Variants in ELAPOR1 observed in about 807,000 individuals in gnomAD.
The protein encoded by ELAPOR1 is endosome-lysosome associated apoptosis and autophagy regulator 1, also known as endosome/lysosome-associated apoptosis and autophagy regulator 1.
A neutral mutation model predicts 119.7 loss-of-function variants in ELAPOR1; 77 were observed. The ratio of observed to expected loss-of-function variants is 0.64; its 90% CI spans 0.54 to 0.78. The LOEUF (loss-of-function observed/expected upper bound fraction) is 0.78, where lower values mean the gene tolerates loss of function less well. ELAPOR1 is among the 30% of genes least tolerant of loss of function. The pLI, the probability that ELAPOR1 is intolerant of heterozygous loss-of-function variation, is 0.00. For missense variants in ELAPOR1, 1,115 were observed against 1,270.4 expected (o/e 0.88, Z 1.86); for synonymous variants, 481 against 487.2 (o/e 0.99, Z 0.17).
At chr1:109,136,481 A>G (rs2100989699) in intron 1 of ELAPOR1, among the ~76,000 whole-genome samples, 1 of 152,238 alleles carries the variant, frequency 6.6e-6, no homozygotes, top group African/African-American at 2.4e-5. Context: ...GGCATCCAGA[A>G]CTGTGCGACA....
At chr1:109,149,505 A>G (rs1000789602) in intron 1 of ELAPOR1, among the ~76,000 whole-genome samples, 1 of 152,068 alleles carries the variant, frequency 6.6e-6, no homozygotes, top group East Asian at 1.9e-4. Flanking sequence ...GGCAGGATAA[A>G]AGCAGGGTCT....
chr1:109,183,261 T>C (rs993736399), intron 7 of ELAPOR1, among the ~76,000 whole-genome samples: 4 of 130,982 alleles, frequency 3.1e-5, no homozygotes, highest in Non-Finnish European at 4.7e-5. Context: ...GTGGCTGAGG[T>C]GGGAGGATTG....
At chr1:109,197,141 A>G (rs945946934) in intron 15 of ELAPOR1, among the ~76,000 whole-genome samples, 2 of 44,214 alleles carry the variant, frequency 4.5e-5, no homozygotes, top group Admixed American at 3.0e-4. Flanking sequence ...ATCTTTACGA[A>G]AAAAAAAAAA....
chr1:109,128,392 A>T (rs1366802449), intron 1 of ELAPOR1, among the ~76,000 whole-genome samples: 2 of 152,180 alleles, frequency 1.3e-5, no homozygotes, highest in Non-Finnish European at 2.9e-5. Context: ...GGAAAACTGA[A>T]ATTGGCTAAT....
intron 15 of ELAPOR1, among the ~76,000 whole-genome samples, chr1:109,195,533 C>CA (rs943044042): frequency 6.6e-5 from 10 of 151,330 alleles, no homozygotes; most frequent in East Asian, 3.9e-4. Flanking sequence ...ACAAAACAAA[C>CA]AAAAAAAACC....
chr1:109,173,401 A>G (rs930450689), intron 5 of ELAPOR1, 73 bp from the exon 6 acceptor site: 1 of 1,259,068 alleles, frequency 7.9e-7, no homozygotes, highest in African/African-American at 1.5e-5. Flanking sequence ...AGTCATCCCA[A>G]CAAGAGGCTA....
At chr1:109,197,899 G>T in intron 16 of ELAPOR1, 80 bp from the exon 17 acceptor site, 1 of 1,250,318 alleles carries the variant, frequency 8.0e-7, no homozygotes, top group Non-Finnish European at 1.2e-6. Context: ...GAGGTTGGAT[G>T]TTGACAGGTA....
At chr1:109,191,267 A>C in intron 11 of ELAPOR1, 99 bp from the exon 12 acceptor site, 1 of 783,242 alleles carries the variant, frequency 1.3e-6, no homozygotes, top group Admixed American at 2.3e-5. Flanking sequence ...CATACTCAGA[A>C]CTTAACCCTG....
chr1:109,184,196 ACT>A (rs1652914929), intron 7 of ELAPOR1, among the ~76,000 whole-genome samples: 1 of 152,070 alleles, frequency 6.6e-6, no homozygotes, highest in Non-Finnish European at 1.5e-5. Context: ...ACATGGAGAA[ACT>A]CCGTCTCTAC....
chr1:109,198,224 C>T, intron 17 of ELAPOR1, 149 bp downstream of exon 17: 1 of 667,486 alleles, frequency 1.5e-6, no homozygotes, highest in Non-Finnish European at 2.6e-6. Context: ...TAGCTAAGGG[C>T]TGGGAGTTCC....
At chr1:109,159,205 C>G (rs540786694) in intron 1 of ELAPOR1, among the ~76,000 whole-genome samples, 1 of 152,194 alleles carries the variant, frequency 6.6e-6, no homozygotes, top group African/African-American at 2.4e-5. Context: ...AAGCTTATGT[C>G]TTGAATGGTG....
chr1:109,115,570 C>T (rs542271714), intron 1 of ELAPOR1, among the ~76,000 whole-genome samples: 57 of 152,290 alleles, frequency 3.7e-4, no homozygotes, highest in African/African-American at 1.3e-3. Flanking sequence ...TGAGCCACTG[C>T]GCCCAGCCCA....
chr1:109,142,846 C>T (rs1355599444), intron 1 of ELAPOR1, among the ~76,000 whole-genome samples: 1 of 152,124 alleles, frequency 6.6e-6, no homozygotes, highest in African/African-American at 2.4e-5. Context: ...AAAACTTGTA[C>T]ATGATTATTC....
At chr1:109,135,333 T>G (rs113749196) in intron 1 of ELAPOR1, among the ~76,000 whole-genome samples, 5,385 of 152,146 alleles carry the variant, frequency 0.035, 330 homozygotes, top group African/African-American at 0.12. Flanking sequence ...AACTTCCACC[T>G]CCTGGGTTCA....
intron 1 of ELAPOR1, among the ~76,000 whole-genome samples, chr1:109,124,436 TATATA>T (rs1648647950): frequency 6.6e-6 from 1 of 152,196 alleles, no homozygotes; most frequent in Non-Finnish European, 1.5e-5. Context: ...CCGTAGGCTG[TATATA>T]ATATAATTTA....
chr1:109,191,037 T>C (rs1442994926), intron 11 of ELAPOR1, among the ~76,000 whole-genome samples: 2 of 152,146 alleles, frequency 1.3e-5, no homozygotes, highest in Admixed American at 6.5e-5. Context: ...GAGATGGCCA[T>C]GTTGCTGGTC....
intron 1 of ELAPOR1, among the ~76,000 whole-genome samples, chr1:109,129,287 A>T (rs673809): frequency 0.013 from 1,905 of 152,314 alleles, 40 homozygotes; most frequent in African/African-American, 0.043. Context: ...AGGCGGGTGG[A>T]TAACCTGAGG....
intron 1 of ELAPOR1, among the ~76,000 whole-genome samples, chr1:109,126,065 CAAAT>C (rs1648758491): frequency 6.6e-6 from 1 of 152,198 alleles, no homozygotes; most frequent in South Asian, 2.1e-4. Context: ...TTGTTACTCA[CAAAT>C]AACCATTCCA....
chr1:109,120,333 G>A (rs1193745844), intron 1 of ELAPOR1, among the ~76,000 whole-genome samples: 4 of 151,992 alleles, frequency 2.6e-5, no homozygotes, highest in Non-Finnish European at 5.9e-5. Flanking sequence ...GGAGGCAGAG[G>A]TTGCAGCAAG....
Sources: allele counts gnomAD v4.1 joint callset (sites outside exome capture counted in the v4.1 genomes callset), GRCh38; gene constraint gnomAD v4.1.1; transcripts MANE v1.5; gene names NCBI Gene and HGNC (gene_info 2026-07-23, HGNC 2026-07-21).